Variants in ELP6 observed in about 807,000 individuals in gnomAD.
ELP6 encodes elongator acetyltransferase complex subunit 6.
Under a neutral mutation model 28.1 loss-of-function variants are expected in ELP6, and 23 were observed. That is an observed-to-expected ratio of 0.82 (90% confidence interval 0.59 to 1.16). The LOEUF is 1.16. ELP6 is among the 50% of genes most tolerant of loss of function. ELP6 has a pLI of 0.00. For synonymous variants in ELP6, 132 were observed against 135.8 expected (o/e 0.97, Z 0.19); for missense variants, 313 against 334.6 (o/e 0.94, Z 0.50).
intron 4 of ELP6, chr3:47,503,366 T>A: frequency 7.8e-7 from 1 of 1,289,700 alleles, no homozygotes. Context: ...TGGCCAATGT[T>A]CAGAAAGGAG....
intron 3 of ELP6, among the ~76,000 whole-genome samples, chr3:47,506,867 T>C (rs1708853434): frequency 6.6e-6 from 1 of 152,196 alleles, no homozygotes. Context: ...TAAACGTCCA[T>C]GAAATCTTCA....
intron 3 of ELP6, among the ~76,000 whole-genome samples, chr3:47,508,910 G>A (rs574952136): frequency 5.3e-4 from 80 of 151,794 alleles, no homozygotes; most frequent in African/African-American, 1.8e-3. Flanking sequence ...GACTACAGGC[G>A]CCTGCCACCA....
In ELP6 at chr3:47,495,980, A is replaced by G; in HGVS notation, c.*89T>C. 1 of 1,601,286 alleles carries G rather than the reference A, an allele frequency of 6.2e-7. No homozygotes were observed. Among genetic ancestry groups the G allele is most frequent in the Non-Finnish European group, 8.5e-7 (1 of 1,174,514 alleles). On this transcript the variant is annotated 3_prime_UTR_variant, in exon 7 of 7. Coordinates refer to ENST00000296149, the MANE Select transcript of ELP6 (RefSeq NM_001031703.3). ...CGCCGGTCCAGCCTGAAATATTACT[A>G]CAGAGGAGAAAGACCCATTCTTGCT...
At chr3:47,505,635 G>A (rs1708810583) in intron 3 of ELP6, among the ~76,000 whole-genome samples, 2 of 151,828 alleles carry the variant, frequency 1.3e-5, no homozygotes, top group Admixed American at 6.6e-5. Flanking sequence ...GCAATGGTGC[G>A]ATCTTGGCTC....
At chr3:47,505,524 C>A (rs1477649332) in intron 3 of ELP6, among the ~76,000 whole-genome samples, 1 of 152,098 alleles carries the variant, frequency 6.6e-6, no homozygotes, top group African/African-American at 2.4e-5. Context: ...TGTGCCTCAA[C>A]CTCTTGAGTA....
chr3:47,497,382 G>A, intron 6 of ELP6: 2 of 978,898 alleles, frequency 2.0e-6, no homozygotes, highest in Non-Finnish European at 2.4e-6. Context: ...TGTCGCCCAG[G>A]CTGGAGTGCA....
At chr3:47,496,498 T>G (rs1286713941) in intron 6 of ELP6, 8 of 896,428 alleles carry the variant, frequency 8.9e-6, no homozygotes, top group Admixed American at 6.2e-5. Context: ...TTTTTATGTT[T>G]TTTTTTTTTT....
At chr3:47,512,524 C>A (rs1318914684) in intron 1 of ELP6, 2 of 844,730 alleles carry the variant, frequency 2.4e-6, no homozygotes, top group East Asian at 2.4e-4. Flanking sequence ...GCACTCCAGC[C>A]CAGGCGAGGG....
At chr3:47,498,880 G>C (rs1156409921) in intron 5 of ELP6, among the ~76,000 whole-genome samples, 1 of 152,192 alleles carries the variant, frequency 6.6e-6, no homozygotes, top group Non-Finnish European at 1.5e-5. Flanking sequence ...CCAAGGGAGA[G>C]GGAAGCATGA....
intron 6 of ELP6, chr3:47,498,026 A>C: frequency 2.0e-6 from 2 of 985,002 alleles, no homozygotes; most frequent in Non-Finnish European, 2.4e-6. Flanking sequence ...CCTGCATTCC[A>C]CTCTAGACAG....
At chr3:47,497,117 T>C (rs1708499868) in intron 6 of ELP6, 1 of 982,846 alleles carries the variant, frequency 1.0e-6, no homozygotes, top group South Asian at 4.7e-5. Context: ...GTGCTCAACT[T>C]GAAGTTAACC....
intron 4 of ELP6, chr3:47,503,283 G>A: frequency 7.8e-7 from 1 of 1,279,320 alleles, no homozygotes; most frequent in Non-Finnish European, 1.0e-6. Flanking sequence ...AGTGGGGGAA[G>A]TTCCTGTGTG....
At chr3:47,503,252 T>C in intron 4 of ELP6, 19 of 1,251,750 alleles carry the variant, frequency 1.5e-5, no homozygotes, top group Non-Finnish European at 1.9e-5. Flanking sequence ...CATAAGGGTG[T>C]GTGTGTCTGA....
In ELP6 at chr3:47,510,273, AT is replaced by A; in HGVS notation, c.134-20del. The A allele has an allele frequency of 6.2e-7, 1 of 1,604,758 alleles. No individual in the cohort carries two copies. Among genetic ancestry groups the A allele is most frequent in the Middle Eastern group, 1.7e-4 (1 of 6,044 alleles). On this transcript the variant is annotated intron_variant, in intron 2 of 6. Transcript: ENST00000296149. ...CAATTAGCTAGAAAACAAAACAATT[AT>A]TTTAAATAAATCCTCTGGTTACAAC...
chr3:47,505,454 G>T (rs1386711546), intron 3 of ELP6, among the ~76,000 whole-genome samples: 1 of 151,940 alleles, frequency 6.6e-6, no homozygotes, highest in Non-Finnish European at 1.5e-5. Flanking sequence ...GCCTAGGCTG[G>T]AGTGCAGTGA....
At chr3:47,513,005 T>G in intron 1 of ELP6, 1 of 985,216 alleles carries the variant, frequency 1.0e-6, no homozygotes, top group Non-Finnish European at 1.2e-6. Flanking sequence ...TTTTTTTTTT[T>G]TTTGAGGTGG....
At chr3:47,496,262 A>C in intron 6 of ELP6, 65 bp from the exon 7 acceptor site, 1 of 1,575,550 alleles carries the variant, frequency 6.3e-7, no homozygotes, top group Non-Finnish European at 8.6e-7. Flanking sequence ...TGGGAACCCC[A>C]CCCTACCTTC....
At chr3:47,497,126 C>A (rs1708500015) in intron 6 of ELP6, 1 of 983,368 alleles carries the variant, frequency 1.0e-6, no homozygotes, top group South Asian at 4.7e-5. Flanking sequence ...TTGAAGTTAA[C>A]CAGGAAGCTG....
chr3:47,506,236 T>C (rs1368645556), intron 3 of ELP6, among the ~76,000 whole-genome samples: 1 of 152,090 alleles, frequency 6.6e-6, no homozygotes, highest in Non-Finnish European at 1.5e-5. Context: ...ACAAGGCAAA[T>C]GGAGGCAGGG....
Sources: gnomAD v4.1 joint callset for allele counts (sites outside exome capture counted in the v4.1 genomes callset) on GRCh38, gnomAD v4.1.1 for gene constraint, MANE v1.5 for transcripts, NCBI Gene and HGNC (gene_info 2026-07-23, HGNC 2026-07-21) for gene names.